Variants in SLC16A9 observed in about 807,000 individuals in gnomAD.
SLC16A9 encodes the protein solute carrier family 16 member 9.
A neutral mutation model predicts 44.3 loss-of-function variants in SLC16A9; 26 were observed. That is an observed-to-expected ratio of 0.59 (90% CI 0.43 to 0.81). The LOEUF (loss-of-function observed/expected upper bound fraction) is 0.81. Ranked by LOEUF, SLC16A9 falls within the 40% of genes least tolerant of loss-of-function variation. The pLI, the probability that SLC16A9 is intolerant of heterozygous loss-of-function variation, is 0.00. For missense variants in SLC16A9, 559 were observed against 595.8 expected, an observed-to-expected ratio of 0.94 and a Z score of 0.64; for synonymous variants, 230 against 225.1, an observed-to-expected ratio of 1.02 and a Z score of -0.19.
Position 59,696,924 on chromosome 10 carries a change from G to C in SLC16A9, c.-37+12555C>G, listed in dbSNP as rs1167903777. ...TCCGCCCGACAGCCACCCCGTCCGG[G>C]AGGGAGGTGGGGGGTCAGCCCCCCG... On this transcript the variant is annotated intron_variant, in intron 1 of 5. Coordinates refer to ENST00000395348, the MANE Select transcript of SLC16A9 (RefSeq NM_194298.3). Among the ~76,000 whole-genome samples, 3 of 16,852 alleles carry C rather than the reference G, an allele frequency of 1.8e-4. 1 individual carries two copies. Among genetic ancestry groups the C allele is most frequent in the Non-Finnish European group, 8.7e-4 (3 of 3,466 alleles). 11.1% of individuals were successfully genotyped at this position (16,852 alleles called of 152,430 possible). A position where few individuals can be genotyped will look rare whatever the true frequency, so the allele number is the denominator to read the frequency against.
chr10:59,692,301 C>T (rs1840270531), intron 1 of SLC16A9, among the ~76,000 whole-genome samples: 1 of 152,116 alleles, frequency 6.6e-6, no homozygotes, highest in Admixed American at 6.5e-5. Flanking sequence ...ATTTATGACA[C>T]TTTAAGGCTA....
At chr10:59,658,121 C>G (rs1263256519) in intron 4 of SLC16A9, among the ~76,000 whole-genome samples, 1 of 152,066 alleles carries the variant, frequency 6.6e-6, no homozygotes, top group Non-Finnish European at 1.5e-5. Context: ...CCAGACATTC[C>G]CTTGTATTGA....
intron 1 of SLC16A9, among the ~76,000 whole-genome samples, chr10:59,685,530 T>C (rs1732286453): frequency 6.6e-6 from 1 of 152,236 alleles, no homozygotes; most frequent in Non-Finnish European, 1.5e-5. Context: ...CCTTGTTCTC[T>C]TTCACTTGAC....
intron 1 of SLC16A9, among the ~76,000 whole-genome samples, chr10:59,704,762 T>C (rs1260207452): frequency 6.6e-6 from 1 of 152,240 alleles, no homozygotes; most frequent in African/African-American, 2.4e-5. Context: ...GAGCTTGGCC[T>C]GAGAATAGTG....
intron 1 of SLC16A9, among the ~76,000 whole-genome samples, chr10:59,701,407 A>G (rs1840520158): frequency 6.6e-6 from 1 of 152,146 alleles, no homozygotes; most frequent in Admixed American, 6.5e-5. Context: ...TTCTGCTTCC[A>G]ATTTTTCAGA....
intron 2 of SLC16A9, among the ~76,000 whole-genome samples, chr10:59,673,123 C>T (rs1588973512): frequency 6.6e-6 from 1 of 152,078 alleles, no homozygotes; most frequent in African/African-American, 2.4e-5. Flanking sequence ...TAGTCCCATT[C>T]TTTTTGATAA....
rs371841243 is a variant in SLC16A9, at chr10:59,652,921, C to A, written c.1381G>T (p.Asp461Tyr). Residue 461 changes from aspartate (D) to tyrosine (Y), a missense_variant, in exon 6 of 6, where the codon GAT (aspartate) becomes TAT (tyrosine). Physicochemically the swap from Asp to Tyr is radical, Grantham distance 160. Coordinates refer to ENST00000395348, the MANE Select transcript of SLC16A9 (RefSeq NM_194298.3). ...AAGCCACTAAAATAAAATGCAATAT[C>A]ATAGGTCTGGGTCCAGTCATAAAAC... The part of the protein sequence containing the change: ...GWFYDWTQTY[D>Y]IAFYFSGFCV... 6 of 1,612,486 alleles carry A rather than the reference C, an allele frequency of 3.7e-6. No homozygotes were observed. Among genetic ancestry groups the A allele is most frequent in the South Asian group, 1.1e-5 (1 of 90,614 alleles).
chr10:59,685,569 G>A (rs1455123996), intron 1 of SLC16A9, among the ~76,000 whole-genome samples: 1 of 152,138 alleles, frequency 6.6e-6, no homozygotes, highest in East Asian at 1.9e-4. Context: ...CCACATCAAT[G>A]CATACTGACC....
intron 3 of SLC16A9, among the ~76,000 whole-genome samples, chr10:59,670,327 C>T (rs1368281614): frequency 3.3e-5 from 5 of 152,186 alleles, no homozygotes; most frequent in African/African-American, 1.2e-4. Context: ...AATAATTTTT[C>T]AGGTCATAAA....
chr10:59,705,263 G>GAA (rs137995536), intron 1 of SLC16A9, among the ~76,000 whole-genome samples: 2 of 145,984 alleles, frequency 1.4e-5, no homozygotes, highest in African/African-American at 5.0e-5. Context: ...AAGATGCAAA[G>GAA]AAAAAAAAAA....
intron 1 of SLC16A9, among the ~76,000 whole-genome samples, chr10:59,707,050 T>A (rs1256781596): frequency 1.4e-5 from 2 of 146,930 alleles, no homozygotes; most frequent in African/African-American, 5.0e-5. Context: ...CTCATGCCTG[T>A]AATCCAGCTT....
At chr10:59,668,428 T>A (rs1387760651) in intron 3 of SLC16A9, among the ~76,000 whole-genome samples, 2 of 152,312 alleles carry the variant, frequency 1.3e-5, no homozygotes, top group Middle Eastern at 3.4e-3. Context: ...TTTTCAAGAC[T>A]TAGCGCAAGC....
chr10:59,696,808 T>C (rs1294349738), intron 1 of SLC16A9, among the ~76,000 whole-genome samples: 4 of 148,088 alleles, frequency 2.7e-5, no homozygotes, highest in African/African-American at 1.0e-4. Flanking sequence ...GTCTGAGAAG[T>C]GAGAAGCCCC....
chr10:59,696,783 C>T (rs1840391436), intron 1 of SLC16A9, among the ~76,000 whole-genome samples: 1 of 151,672 alleles, frequency 6.6e-6, no homozygotes, highest in Admixed American at 6.6e-5. Flanking sequence ...AGACCCTCTG[C>T]CTGGCAACCG....
intron 1 of SLC16A9, among the ~76,000 whole-genome samples, chr10:59,685,843 C>A (rs1324430529): frequency 1.3e-5 from 2 of 152,108 alleles, no homozygotes; most frequent in Non-Finnish European, 2.9e-5. Context: ...CAGGTATTAC[C>A]AAATTAAGTT....
chr10:59,654,074 T>C lies in SLC16A9; in HGVS notation c.952A>G (p.Ile318Val), dbSNP rs199889507. 49 of 1,614,132 alleles carry C rather than the reference T, an allele frequency of 3.0e-5. No homozygotes were observed. The highest frequency in any genetic ancestry group is 2.4e-4 in the African/African-American group (18 of 75,062). ...ALFIAILLFD[I>V]GGFPPSLLME... ...AGTAATGAAGGTGGAAACCCTCCGA[T>C]GTCAAAGAGTAAGATAGCAATGAAA... is the stretch of plus-strand genomic sequence containing the variant. Residue 318 changes from isoleucine to valine, a missense_variant, in exon 5 of 6, where the codon ATC (isoleucine) becomes GTC (valine). Physicochemically the swap from Ile to Val is conservative, Grantham distance 29. Transcript: ENST00000395348.
intron 1 of SLC16A9, among the ~76,000 whole-genome samples, chr10:59,691,674 C>T (rs185941777): frequency 5.3e-5 from 8 of 152,256 alleles, no homozygotes; most frequent in Middle Eastern, 3.4e-3. Flanking sequence ...TCCCTTCCTT[C>T]GGGAAACGAA....
intron 4 of SLC16A9, among the ~76,000 whole-genome samples, chr10:59,660,902 C>T (rs1279658180): frequency 1.3e-5 from 2 of 152,124 alleles, no homozygotes; most frequent in African/African-American, 2.4e-5. Context: ...ATGACAAAAA[C>T]CAAATGATTA....
chr10:59,657,339 C>G (rs529639448), intron 4 of SLC16A9, among the ~76,000 whole-genome samples: 20 of 152,254 alleles, frequency 1.3e-4, no homozygotes, highest in Admixed American at 2.0e-4. Flanking sequence ...ATCGCTTCCC[C>G]CAAACCTTCA....
Sources: gnomAD v4.1 joint callset for allele counts (sites outside exome capture counted in the v4.1 genomes callset) on GRCh38, gnomAD v4.1.1 for gene constraint, MANE v1.5 for transcripts, NCBI Gene and HGNC (gene_info 2026-07-23, HGNC 2026-07-21) for gene names.